Variants in PCDHA7 observed in about 807,000 individuals in gnomAD.
PCDHA7 encodes protocadherin alpha-7.
A neutral mutation model predicts 57.2 loss-of-function variants in PCDHA7; 37 were observed. The observed-to-expected ratio is 0.65, with a 90% CI of 0.50 to 0.85. The LOEUF is 0.85. PCDHA7 is among the 40% of genes least tolerant of loss of function. The pLI is 0.00. For synonymous variants in PCDHA7, 553 were observed against 558.8 expected, an observed-to-expected ratio of 0.99 and a Z score of 0.15; for missense variants, 1,188 against 1,241.8, an observed-to-expected ratio of 0.96 and a Z score of 0.65.
At chr5:140,925,420 G>C (rs1332055982) in intron 1 of PCDHA7, among the ~76,000 whole-genome samples, 2 of 152,102 alleles carry the variant, frequency 1.3e-5, no homozygotes, top group Non-Finnish European at 2.9e-5. Flanking sequence ...AAAGGAACTG[G>C]TTGTAGGGTG....
chr5:140,996,341 C>T (rs1554255109), intron 3 of PCDHA7, among the ~76,000 whole-genome samples: 2 of 152,160 alleles, frequency 1.3e-5, no homozygotes, highest in African/African-American at 4.8e-5. Context: ...AGTTTGAAAA[C>T]CCAACCAAAG....
At chr5:140,867,055 T>C (rs1177939308) in intron 1 of PCDHA7, 3 of 152,170 alleles carry the variant, frequency 2.0e-5, no homozygotes, top group African/African-American at 7.2e-5. Flanking sequence ...TGTTCAGTAC[T>C]ACTTTATATA....
rs544791644 is a variant in PCDHA7, at chr5:140,937,295, C to G, written c.2356-41654C>G. Among the ~76,000 whole-genome samples the G allele has an allele frequency of 1.0e-3, 157 of 152,202 alleles. 1 individual carries two copies. Among genetic ancestry groups the G allele is most frequent in the Admixed American group, 4.7e-3 (72 of 15,286 alleles). On this transcript the variant is annotated intron_variant, in intron 1 of 3. Transcript: ENST00000525929. ...CTCGTGATTCACCCGCTTCGGCCTC[C>G]CAAAGTGCTGGGATTACAGGCGTGA...
chr5:140,869,028 G>T, intron 1 of PCDHA7: 1 of 1,526,584 alleles, frequency 6.6e-7, no homozygotes, highest in Middle Eastern at 1.8e-4. Context: ...AATTCAACGA[G>T]ATTTTTAACC....
rs1205449386 is a variant in PCDHA7 at position 140,856,525 on chromosome 5, G to A, written c.2355+19787G>A. The A allele has an allele frequency of 2.5e-6, 4 of 1,598,294 alleles. 1 individual carries two copies. The highest frequency in any genetic ancestry group is 8.6e-7 in the Non-Finnish European group (1 of 1,167,878). On this transcript the variant is annotated intron_variant, in intron 1 of 3. Transcript: ENST00000525929. ...TTCCACTAGAAGGCGCATCTGATGC[G>A]GATGTTGGAGAGAACGCATTGCTTA... is the stretch of plus-strand genomic sequence containing the variant.
rs1326875671 is a variant in PCDHA7, at chr5:140,836,726, C to T, written c.2343C>T (p.Ser781=). 9 of 1,610,652 alleles carry T rather than the reference C, an allele frequency of 5.6e-6. No homozygotes were observed. Among genetic ancestry groups the T allele is most frequent in the African/African-American group, 2.7e-5 (2 of 74,786 alleles). Residue 781 remains serine (S), a synonymous_variant, in exon 1 of 4, where the codon TCC becomes TCT. Coordinates refer to ENST00000525929, the MANE Select transcript of PCDHA7 (RefSeq NM_018910.3). ...AFSPSLPQGP[S]STDNPRQPNP... ...GTCCCAGCCTTCCTCAGGGTCCATC[C>T]TCTACAGACAATGTGAGTCATAAAT...
intron 2 of PCDHA7, among the ~76,000 whole-genome samples, chr5:140,979,789 C>CAAAT (rs1244398411): frequency 2.6e-5 from 4 of 152,148 alleles, no homozygotes; most frequent in African/African-American, 9.7e-5. Context: ...GACCAAGAAA[C>CAAAT]AAATGATCAC....
At chr5:140,857,184 G>C in intron 1 of PCDHA7, 1 of 1,598,552 alleles carries the variant, frequency 6.3e-7, no homozygotes. Flanking sequence ...CATGATTCAG[G>C]AGCCAACGGA....
chr5:140,969,783 A>G (rs1293806015), intron 1 of PCDHA7, among the ~76,000 whole-genome samples: 1 of 152,228 alleles, frequency 6.6e-6, no homozygotes, highest in Non-Finnish European at 1.5e-5. Context: ...GGGCTATCAT[A>G]GTCACCACTA....
chr5:140,939,560 T>C (rs2153641939), intron 1 of PCDHA7, among the ~76,000 whole-genome samples: 1 of 151,934 alleles, frequency 6.6e-6, no homozygotes, highest in African/African-American at 2.4e-5. Flanking sequence ...TGTATTAGTT[T>C]GGTTAATCAA....
In PCDHA7 at chr5:140,879,581, G is replaced by A. The variant is rs537126502; in HGVS notation, c.2355+42843G>A. On this transcript the variant is annotated intron_variant, in intron 1 of 3. Transcript: ENST00000525929. ...ATGAAAGAATAAAATTGCCAAGACA[G>A]ACATTGAAAAGTGAAAAACAATGTG... Among the ~76,000 whole-genome samples the A allele has an allele frequency of 2.6e-5, 4 of 152,334 alleles. No individual in the cohort carries two copies. In the East Asian group the frequency reaches 7.7e-4, roughly 29 times the overall value.
intron 1 of PCDHA7, chr5:140,843,171 G>C: frequency 6.3e-7 from 1 of 1,596,072 alleles, no homozygotes; most frequent in Non-Finnish European, 8.6e-7. Context: ...GCTGCAAGCA[G>C]CCCTCGCATC....
At chr5:140,844,621 AG>A (rs1779471115) in intron 1 of PCDHA7, among the ~76,000 whole-genome samples, 1 of 149,558 alleles carries the variant, frequency 6.7e-6, no homozygotes, top group Non-Finnish European at 1.5e-5. Flanking sequence ...TGTTTTCATC[AG>A]AAAAACTATA....
At chr5:140,920,812 C>T (rs575249440) in intron 1 of PCDHA7, among the ~76,000 whole-genome samples, 126 of 151,392 alleles carry the variant, frequency 8.3e-4, no homozygotes, top group Admixed American at 2.4e-3. Flanking sequence ...CCACTGCACT[C>T]CAGCCTGGCG....
Position 140,927,005 on chromosome 5 carries a change from A to G in PCDHA7, c.2356-51944A>G, listed in dbSNP as rs1554203909. On this transcript the variant is annotated intron_variant, in intron 1 of 3. Coordinates refer to ENST00000525929, the MANE Select transcript of PCDHA7 (RefSeq NM_018910.3). ...ACGGAGCGGGGCGTAGCCGTAGGCA[A>G]TCTCTCCGCGGACTTGAGGCTGCCA... 6 of 1,612,394 alleles carry G rather than the reference A, an allele frequency of 3.7e-6. No homozygotes were observed. The South Asian group carries it at 4.4e-5, about 12-fold the overall frequency.
chr5:140,882,558 G>T (rs782792864), intron 1 of PCDHA7: 16 of 1,614,130 alleles, frequency 9.9e-6, no homozygotes, highest in Non-Finnish European at 1.1e-5. Flanking sequence ...GAGCTGTGTG[G>T]GCGGAGCGCG....
chr5:140,949,537 C>T (rs1359504503), intron 1 of PCDHA7, among the ~76,000 whole-genome samples: 4 of 151,692 alleles, frequency 2.6e-5, no homozygotes, highest in African/African-American at 7.3e-5. Context: ...CATAAAATAT[C>T]GATTTGTTGC....
At chr5:140,960,400 G>T (rs566510688) in intron 1 of PCDHA7, among the ~76,000 whole-genome samples, 4 of 152,114 alleles carry the variant, frequency 2.6e-5, no homozygotes, top group African/African-American at 9.6e-5. Context: ...ATGCAAGGGG[G>T]GGTGCCCAAA....
chr5:140,934,703 A>G (rs1348150058), intron 1 of PCDHA7, among the ~76,000 whole-genome samples: 1 of 152,156 alleles, frequency 6.6e-6, no homozygotes, highest in Non-Finnish European at 1.5e-5. Flanking sequence ...ATTCCTGGCC[A>G]TCTTACAAAA....
Sources: gnomAD v4.1 joint callset for allele counts (sites outside exome capture counted in the v4.1 genomes callset) on GRCh38, gnomAD v4.1.1 for gene constraint, MANE v1.5 for transcripts, NCBI Gene and HGNC (gene_info 2026-07-23, HGNC 2026-07-21) for gene names.